EPB41L4B: variants seen among roughly 807,000 people sequenced by gnomAD.
EPB41L4B encodes erythrocyte membrane protein band 4.1 like 4B.
A neutral mutation model predicts 112.5 loss-of-function variants in EPB41L4B; 30 were observed. The observed-to-expected ratio is 0.27, with a 90% CI of 0.20 to 0.36. EPB41L4B has a LOEUF of 0.36. Ranked by LOEUF, EPB41L4B falls within the 10% of genes least tolerant of loss-of-function variation. The pLI, the probability that EPB41L4B is intolerant of heterozygous loss-of-function variation, is 1.00. For synonymous variants in EPB41L4B, 408 were observed against 439.7 expected, an observed-to-expected ratio of 0.93 and a Z score of 0.90; for missense variants, 1,024 against 1,133.3, an observed-to-expected ratio of 0.90 and a Z score of 1.38.
At chr9:109,207,207 G>A (rs1211624246) in intron 18 of EPB41L4B, among the ~76,000 whole-genome samples, 1 of 152,164 alleles carries the variant, frequency 6.6e-6, no homozygotes, top group East Asian at 1.9e-4. Context: ...TGGAAAGTGT[G>A]GCCTGCAGTT....
chr9:109,308,908 T>C (rs1330535955), intron 1 of EPB41L4B, among the ~76,000 whole-genome samples: 3 of 152,040 alleles, frequency 2.0e-5, no homozygotes, highest in Non-Finnish European at 2.9e-5. Context: ...TGAAACCCTG[T>C]CTCTACTAAA....
intron 19 of EPB41L4B, among the ~76,000 whole-genome samples, chr9:109,202,636 T>A (rs1277128624): frequency 6.6e-6 from 1 of 152,204 alleles, no homozygotes; most frequent in Non-Finnish European, 1.5e-5. Context: ...GAGTTCCTGT[T>A]CTCTGTGAGA....
At chr9:109,242,752 C>G (rs1834396274) in intron 15 of EPB41L4B, among the ~76,000 whole-genome samples, 1 of 150,562 alleles carries the variant, frequency 6.6e-6, no homozygotes, top group African/African-American at 2.4e-5. Flanking sequence ...AACTTGCCAA[C>G]TATGTTTCTG....
chr9:109,187,089 G>A (rs1002147481), intron 22 of EPB41L4B, among the ~76,000 whole-genome samples: 2 of 152,120 alleles, frequency 1.3e-5, no homozygotes, highest in Non-Finnish European at 2.9e-5. Flanking sequence ...AGGGAACCAC[G>A]GACAGGGTTA....
rs1468253328 is a variant in EPB41L4B, at chr9:109,172,964, G to C, written c.*1590C>G. The C allele has an allele frequency of 6.6e-6, 1 of 152,514 alleles. No homozygotes were observed. The highest frequency in any genetic ancestry group is 1.5e-5 in the Non-Finnish European group (1 of 68,018). 9.4% of individuals were successfully genotyped at this position (152,514 alleles called of 1,614,324 possible). A position where few individuals can be genotyped will look rare whatever the true frequency, so the allele number is the denominator to read the frequency against. On this transcript the variant is annotated 3_prime_UTR_variant, in exon 26 of 26. Transcript: ENST00000374566. ...ATACAGTTCTGATACAAATATATGAGATCAGTTCCTCTTAACAAGTGGTCA... is the reference window on the plus strand; with the variant it reads ...ATACAGTTCTGATACAAATATATGACATCAGTTCCTCTTAACAAGTGGTCA...
intron 15 of EPB41L4B, among the ~76,000 whole-genome samples, chr9:109,220,422 C>T (rs1007051714): frequency 8.5e-5 from 13 of 152,100 alleles, no homozygotes; most frequent in African/African-American, 1.7e-4. Flanking sequence ...TTGTTTTGAG[C>T]GCTGTGTGGA....
intron 15 of EPB41L4B, among the ~76,000 whole-genome samples, chr9:109,236,800 C>T (rs909222985): frequency 2.6e-5 from 4 of 152,212 alleles, no homozygotes; most frequent in Admixed American, 2.6e-4. Flanking sequence ...GGACCTTTAA[C>T]AGTGACTTGC....
chr9:109,262,696 C>T (rs1272033178), intron 6 of EPB41L4B, among the ~76,000 whole-genome samples: 3 of 152,126 alleles, frequency 2.0e-5, no homozygotes, highest in Non-Finnish European at 4.4e-5. Context: ...AAATGGGGCC[C>T]GAGGTCATCC....
intron 22 of EPB41L4B, among the ~76,000 whole-genome samples, chr9:109,186,655 CT>C (rs1564251557): frequency 6.6e-6 from 1 of 151,666 alleles, no homozygotes; most frequent in East Asian, 1.9e-4. Flanking sequence ...TTTAATTTTT[CT>C]TTTTTATAGA....
At chr9:109,180,521 T>A (rs1018857060) in intron 24 of EPB41L4B, among the ~76,000 whole-genome samples, 6 of 152,184 alleles carry the variant, frequency 3.9e-5, no homozygotes, top group Non-Finnish European at 7.4e-5. Context: ...AAAAGGCAGA[T>A]GCTGGAAGCA....
intron 1 of EPB41L4B, among the ~76,000 whole-genome samples, chr9:109,302,770 C>G (rs989767979): frequency 1.3e-5 from 2 of 152,152 alleles, no homozygotes; most frequent in African/African-American, 4.8e-5. Flanking sequence ...ACAGCATGGC[C>G]TTTCTGGATC....
At chr9:109,262,041 T>C (rs969255979) in intron 6 of EPB41L4B, among the ~76,000 whole-genome samples, 1 of 152,196 alleles carries the variant, frequency 6.6e-6, no homozygotes, top group Admixed American at 6.5e-5. Context: ...TCTTAATTAG[T>C]GCTAGAGACT....
intron 1 of EPB41L4B, among the ~76,000 whole-genome samples, chr9:109,289,316 G>C (rs966152601): frequency 6.6e-6 from 1 of 152,138 alleles, no homozygotes; most frequent in Non-Finnish European, 1.5e-5. Context: ...GGCTTGGCTC[G>C]TGTCCTTCCT....
chr9:109,289,932 A>C (rs1048922915), intron 1 of EPB41L4B, among the ~76,000 whole-genome samples: 1 of 152,216 alleles, frequency 6.6e-6, no homozygotes, highest in Admixed American at 6.5e-5. Context: ...TATTCCACTT[A>C]TCAGTGATTG....
intron 4 of EPB41L4B, among the ~76,000 whole-genome samples, chr9:109,265,613 G>A (rs1835374889): frequency 6.7e-6 from 1 of 150,006 alleles, no homozygotes; most frequent in Non-Finnish European, 1.5e-5. Flanking sequence ...AATGGTTAGA[G>A]GGGTAACAAA....
intron 1 of EPB41L4B, among the ~76,000 whole-genome samples, chr9:109,311,604 C>A (rs1252352945): frequency 6.6e-6 from 1 of 152,066 alleles, no homozygotes; most frequent in African/African-American, 2.4e-5. Context: ...AAAGAACCTG[C>A]AAAAAATGCT....
chr9:109,266,968 C>CAAAA (rs3061574), intron 4 of EPB41L4B, among the ~76,000 whole-genome samples: 3 of 91,742 alleles, frequency 3.3e-5, no homozygotes, highest in Non-Finnish European at 4.3e-5. Flanking sequence ...GATTTTGTTT[C>CAAAA]AAAAAAAAAA....
At chr9:109,221,888 C>T (rs1279968979) in intron 15 of EPB41L4B, among the ~76,000 whole-genome samples, 1 of 152,130 alleles carries the variant, frequency 6.6e-6, no homozygotes, top group Non-Finnish European at 1.5e-5. Flanking sequence ...TCTGTCATGC[C>T]AACTCCAATT....
intron 21 of EPB41L4B, among the ~76,000 whole-genome samples, chr9:109,193,461 G>A (rs1012732493): frequency 2.6e-5 from 4 of 152,220 alleles, no homozygotes; most frequent in Admixed American, 1.3e-4. Context: ...ATTGAGGCTC[G>A]AAGAAATAAA....
Sources: allele counts gnomAD v4.1 joint callset (sites outside exome capture counted in the v4.1 genomes callset), GRCh38; gene constraint gnomAD v4.1.1; transcripts MANE v1.5; gene names NCBI Gene and HGNC (gene_info 2026-07-23, HGNC 2026-07-21).